Variants in ATP13A2 observed in about 807,000 individuals in gnomAD.
ATP13A2 encodes the protein ATPase cation transporting 13A2, also known as polyamine-transporting ATPase 13A2.
A neutral mutation model predicts 138.3 loss-of-function variants in ATP13A2; 83 were observed. The ratio of observed to expected loss-of-function variants is 0.60; its 90% CI spans 0.50 to 0.72. ATP13A2 has a LOEUF of 0.72. ATP13A2 is among the 30% of genes least tolerant of loss of function. The pLI, the probability that ATP13A2 is intolerant of heterozygous loss-of-function variation, is 0.00. For synonymous variants in ATP13A2, 663 were observed against 699.0 expected, an observed-to-expected ratio of 0.95 and a Z score of 0.81; for missense variants, 1,402 against 1,606.4, an observed-to-expected ratio of 0.87 and a Z score of 2.17.
intron 1 of ATP13A2, among the ~76,000 whole-genome samples, chr1:17,008,515 G>A (rs1318176986): frequency 6.6e-6 from 1 of 152,168 alleles, no homozygotes; most frequent in Non-Finnish European, 1.5e-5. Flanking sequence ...CAGGTGGGCA[G>A]GACCCGGCTC....
In ATP13A2 at chr1:16,992,245, G is replaced by A; in HGVS notation, c.2003C>T (p.Thr668Ile). Residue 668 changes from threonine (T) to isoleucine (I), a missense_variant and splice_region_variant, in exon 18 of 29, where the codon ACA becomes ATA. Coordinates refer to ENST00000326735, the MANE Select transcript of ATP13A2 (RefSeq NM_022089.4). ...GACTCAGGGGCTTCCCCCTGCACCT[G>A]TCTCGGGGTTGCAGAGCCCTGCCAC... ...ELVAGLCNPE[T>I]VPTDFAQMLQ... 1.2e-6 allele frequency: 2 copies of A among 1,612,712 alleles called. No individual in the cohort carries two copies. The highest frequency in any genetic ancestry group is 1.1e-5 in the South Asian group (1 of 91,068).
chr1:17,005,279 G>A, intron 3 of ATP13A2, 95 bp downstream of exon 3: 1 of 1,524,584 alleles, frequency 6.6e-7, no homozygotes, highest in Non-Finnish European at 8.9e-7. Flanking sequence ...ATGTCCCATG[G>A]AAAGTCAGTG....
At chr1:16,989,656 C>T (rs954861510) in intron 23 of ATP13A2, 35 bp downstream of exon 23, 10 of 1,607,914 alleles carry the variant, frequency 6.2e-6, no homozygotes, top group Non-Finnish European at 7.7e-6. Flanking sequence ...TCAGTCTCCG[C>T]AGGCCCTTGC....
In ATP13A2 at chr1:16,995,734, C is replaced by T. The variant is rs570330756; in HGVS notation, c.1542+242G>A. ...GTGCTGGGATTACAGACGTGAGCCACCGCGCCCGGCCCCCCACCAGTTCTT... is the reference window on the plus strand; with the variant it reads ...GTGCTGGGATTACAGACGTGAGCCATCGCGCCCGGCCCCCCACCAGTTCTT... On this transcript the variant is annotated intron_variant, in intron 15 of 28. Transcript: ENST00000326735. The surrounding 1 kb of genome is among the most constrained non-coding windows in gnomAD (Gnocchi z 4.1). The T allele has an allele frequency of 9.9e-6, 6 of 609,084 alleles. No homozygotes were observed. The Admixed American group carries it at 1.4e-4, about 14-fold the overall frequency. The allele number at this position is 609,084 out of a possible 1,614,324, so 37.7% of individuals were successfully genotyped here.
chr1:16,995,732 CACCGCGCCCGGCCCCCCACCAGTTCTTGA>C lies in ATP13A2; in HGVS notation c.1542+215_1542+243del. The C allele has an allele frequency of 3.3e-6, 2 of 600,996 alleles. No individual in the cohort carries two copies. The highest frequency in any genetic ancestry group is 3.6e-5 in the South Asian group (2 of 56,126). The allele number at this position is 600,996 out of a possible 1,614,324, so 37.2% of individuals were successfully genotyped here. A position where few individuals can be genotyped will look rare whatever the true frequency, so the allele number is the denominator to read the frequency against. On this transcript the variant is annotated intron_variant, in intron 15 of 28. Coordinates refer to ENST00000326735, the MANE Select transcript of ATP13A2 (RefSeq NM_022089.4). The surrounding 1 kb of genome is among the most constrained non-coding windows in gnomAD (Gnocchi z 4.1). Reference sequence around the variant, plus strand: ...AAGTGCTGGGATTACAGACGTGAGCCACCGCGCCCGGCCCCCCACCAGTTCTTGAACACATGAATACATGATTCTAGACA... The same window carrying C: ...AAGTGCTGGGATTACAGACGTGAGCCACACATGAATACATGATTCTAGACA...
intron 16 of ATP13A2, among the ~76,000 whole-genome samples, chr1:16,993,239 A>G (rs1293252844): frequency 6.6e-6 from 1 of 152,124 alleles, no homozygotes; most frequent in Non-Finnish European, 1.5e-5. Context: ...TTTTTGAGAC[A>G]GGGTCTCGTT....
chr1:16,997,447 G>A (rs1438874049), intron 11 of ATP13A2, among the ~76,000 whole-genome samples: 1 of 146,440 alleles, frequency 6.8e-6, no homozygotes. Flanking sequence ...GCATGTGTGG[G>A]CATCATGTGT....
At position 17,004,647 on chromosome 1, in the gene ATP13A2, T is replaced by C; in HGVS notation, c.477+45A>G. ...TCTGACTCTCCCATTGCACAGATCATGAAACCGAGGCCGAGAGAGGGGCAA... is the reference window on the plus strand; with the variant it reads ...TCTGACTCTCCCATTGCACAGATCACGAAACCGAGGCCGAGAGAGGGGCAA... On this transcript the variant is annotated intron_variant, in intron 5 of 28. Coordinates refer to ENST00000326735, the MANE Select transcript of ATP13A2 (RefSeq NM_022089.4). This position sits in a 1 kb window ranked among gnomAD's most constrained non-coding sequence, Gnocchi z 4.1. The C allele has an allele frequency of 5.6e-6, 9 of 1,613,820 alleles. No individual in the cohort carries two copies. The highest frequency in any genetic ancestry group is 7.6e-6 in the Non-Finnish European group (9 of 1,180,022).
At chr1:16,997,780 G>A (rs551645499) in intron 11 of ATP13A2, among the ~76,000 whole-genome samples, 1 of 151,224 alleles carries the variant, frequency 6.6e-6, no homozygotes, top group African/African-American at 2.4e-5. Context: ...GGCGGAGGTT[G>A]CAGTGAGCCG....
Position 16,989,938 on chromosome 1 carries a change from G to T in ATP13A2, c.2478C>A (p.Ser826Arg), listed in dbSNP as rs147611385. 1 of 1,601,568 alleles carries T rather than the reference G, an allele frequency of 6.2e-7. No homozygotes were observed. Among genetic ancestry groups the T allele is most frequent in the South Asian group, 1.1e-5 (1 of 89,788 alleles). ...PDPRSRHLAL[S>R]GPTFGIIVKH... ...TCACAATGATACCAAAGGTGGGCCC[G>T]CTGAGGGCCAGGTGCCTGGATCGGG... is the stretch of plus-strand genomic sequence containing the variant. Residue 826 changes from serine (S) to arginine (R), a missense_variant, in exon 22 of 29, where the codon AGC (serine) becomes AGA (arginine). By Grantham distance (110) the Ser-to-Arg change is moderately radical. Transcript: ENST00000326735.
chr1:16,991,296 G>A (rs2076920385), intron 20 of ATP13A2, among the ~76,000 whole-genome samples: 3 of 152,044 alleles, frequency 2.0e-5, no homozygotes, highest in African/African-American at 7.2e-5. Flanking sequence ...TGTTGCCCAG[G>A]TTGGTCTTGA....
chr1:17,000,580 C>T, intron 8 of ATP13A2, 46 bp from the exon 9 acceptor site: 1 of 1,597,012 alleles, frequency 6.3e-7, no homozygotes, highest in Non-Finnish European at 8.5e-7. Context: ...TCCCCCAGGG[C>T]AGCCCAGCCA....
Position 16,997,065 on chromosome 1 carries a change from G to T in ATP13A2, c.1150C>A (p.Arg384=), listed in dbSNP as rs759534355. Residue 384 remains arginine, a synonymous_variant, in exon 12 of 29, where the codon CGG becomes AGG. Transcript: ENST00000326735. ...LFCGTLILQA[R]AYVGPHVLAV... is the part of the protein sequence containing the mutation. ...AGGACGTGCGGTCCCACATAGGCCCGGGCCTGCAAGATGAGGGTCCCGCAG... is the reference window on the plus strand; with the variant it reads ...AGGACGTGCGGTCCCACATAGGCCCTGGCCTGCAAGATGAGGGTCCCGCAG... 6.2e-7 allele frequency: 1 copy of T among 1,613,218 alleles called. No individual in the cohort carries two copies. The highest frequency in any genetic ancestry group is 8.5e-7 in the Non-Finnish European group (1 of 1,179,998).
Position 16,986,034 on chromosome 1 carries a change from G to A in ATP13A2, c.*187C>T, listed in dbSNP as rs1462831741. ...GAGCTGGGGGCTGCCACCCCTACGC[G>A]GGATGGTCCAAGGTAGGGGACAGTA... On this transcript the variant is annotated 3_prime_UTR_variant, in exon 29 of 29. Transcript: ENST00000326735. This position sits in a 1 kb window ranked among gnomAD's most constrained non-coding sequence, Gnocchi z 6.9. 8.2e-6 allele frequency: 12 copies of A among 1,469,376 alleles called. No homozygotes were observed. Among genetic ancestry groups the A allele is most frequent in the Middle Eastern group, 1.8e-4 (1 of 5,608 alleles). 91.0% of individuals were successfully genotyped at this position (1,469,376 alleles called of 1,614,324 possible). A position where few individuals can be genotyped will look rare whatever the true frequency, so the allele number is the denominator to read the frequency against.
Position 16,987,177 on chromosome 1 carries a change from C to T in ATP13A2, c.2952G>A (p.Ala984=), listed in dbSNP as rs138212767. ...GTGGCCGCACCCGTCCCAGGACCAG[C>T]GCTGGCCCCGTGCGGCTCATGAGCA... The part of the protein sequence containing the change: ...VAVLMSRTGP[A]LVLGRVRPPG... Residue 984 remains alanine (A), a synonymous_variant, in exon 26 of 29, where the codon GCG becomes GCA. Coordinates refer to ENST00000326735, the MANE Select transcript of ATP13A2 (RefSeq NM_022089.4). 2.4e-5 allele frequency: 39 copies of T among 1,613,480 alleles called. No homozygotes were observed. Among genetic ancestry groups the T allele is most frequent in the South Asian group, 7.7e-5 (7 of 91,080 alleles).
rs1033147775 is a variant in ATP13A2, at chr1:16,996,887, C to A, written c.1195+133G>T. 4.2e-6 allele frequency: 5 copies of A among 1,185,588 alleles called. No individual in the cohort carries two copies. In the African/African-American group the frequency reaches 7.6e-5, roughly 18 times the overall value. 73.4% of individuals were successfully genotyped at this position (1,185,588 alleles called of 1,614,324 possible). On this transcript the variant is annotated intron_variant, in intron 12 of 28. Coordinates refer to ENST00000326735, the MANE Select transcript of ATP13A2 (RefSeq NM_022089.4). ...GACCCCAGATGGGGGGCAACTGGCC[C>A]GAGGTCCCACAGCAGGGCAGCAGCA...
At chr1:16,992,205 A>G (rs55722451) in intron 18 of ATP13A2, 38 bp downstream of exon 18, 2 of 1,611,776 alleles carry the variant, frequency 1.2e-6, no homozygotes, top group South Asian at 1.1e-5. Flanking sequence ...TTCTGTGCCA[A>G]TGCCCAACCA....
chr1:16,988,192 C>G lies in ATP13A2; in HGVS notation c.2805G>C (p.Lys935Asn). 1.2e-6 allele frequency: 2 copies of G among 1,614,204 alleles called. No homozygotes were observed. The highest frequency in any genetic ancestry group is 2.2e-5 in the South Asian group (2 of 91,088). The change falls in exon 25 of 29, where the codon AAG (lysine) becomes AAC (asparagine). Residue 935 changes from lysine to asparagine, a missense_variant. By Grantham distance (94) the Lys-to-Asn change is moderately conservative (BLOSUM62 0). Transcript: ENST00000326735. ...CSLDTSFSVF[K>N]YMALYSLTQF... is the part of the protein sequence containing the mutation. ...GGGTCAGGCTGTACAGAGCCATGTA[C>G]TTGAAGACGCTGAACGAAGTGTCAA...
At chr1:16,996,763 A>T (rs1161195373) in intron 12 of ATP13A2, 2 of 622,280 alleles carry the variant, frequency 3.2e-6, no homozygotes, top group African/African-American at 3.7e-5. Context: ...TGCCCGCTAC[A>T]TCCCTGCCCG....
Sources: allele counts gnomAD v4.1 joint callset (sites outside exome capture counted in the v4.1 genomes callset), GRCh38; gene constraint gnomAD v4.1.1; non-coding constraint Gnocchi (gnomAD v3.1); transcripts MANE v1.5; gene names NCBI Gene and HGNC (gene_info 2026-07-23, HGNC 2026-07-21).